STIM2: variants seen among roughly 807,000 people sequenced by gnomAD.
STIM2 encodes the protein stromal interaction molecule 2.
Under a neutral mutation model 85.8 loss-of-function variants are expected in STIM2, and 31 were observed. The observed-to-expected ratio is 0.36, with a 90% CI of 0.27 to 0.49. The LOEUF is 0.49. Ranked by LOEUF, STIM2 falls within the 20% of genes least tolerant of loss-of-function variation. The probability of loss-of-function intolerance (pLI) is 0.98; values close to 1 mark genes in which losing one functional copy is unlikely to be tolerated. For synonymous variants in STIM2, 356 were observed against 331.1 expected, an observed-to-expected ratio of 1.08 and a Z score of -0.82; for missense variants, 841 against 927.6, an observed-to-expected ratio of 0.91 and a Z score of 1.21.
chr4:26,891,593 A>C (rs1723489352), intron 1 of STIM2, among the ~76,000 whole-genome samples: 1 of 128,342 alleles, frequency 7.8e-6, no homozygotes, highest in Admixed American at 7.9e-5. Flanking sequence ...ACACACACAC[A>C]CACACCCCCT....
Position 26,870,026 on chromosome 4 carries a change from G to A in STIM2, c.151+8657G>A, listed in dbSNP as rs535251842. Among the ~76,000 whole-genome samples, 5 of 152,054 alleles carry A rather than the reference G, an allele frequency of 3.3e-5. No homozygotes were observed. The South Asian group carries it at 1.0e-3, about 32-fold the overall frequency. ...TTGCGGCAACATGGATGAACGTGGA[G>A]GACATTATGCTAAGTGAAGTAACGC... On this transcript the variant is annotated intron_variant, in intron 1 of 11. Coordinates refer to ENST00000467087, the MANE Select transcript of STIM2 (RefSeq NM_020860.4).
intron 11 of STIM2, chr4:27,021,456 G>A (rs1728909567): frequency 2.2e-6 from 1 of 456,654 alleles, no homozygotes; most frequent in African/African-American, 2.0e-5. Context: ...AACAGCAAAT[G>A]CAGGGCCCTG....
chr4:26,890,649 C>T (rs944398727), intron 1 of STIM2, among the ~76,000 whole-genome samples: 35 of 151,720 alleles, frequency 2.3e-4, no homozygotes, highest in Non-Finnish European at 3.7e-4. Flanking sequence ...ACGTTGAAAC[C>T]CCGTCTCTAC....
chr4:26,861,574 C>G, intron 1 of STIM2: 2 of 685,018 alleles, frequency 2.9e-6, no homozygotes, highest in Non-Finnish European at 4.0e-6. Flanking sequence ...CTCGCCGAGC[C>G]TCTCGACGGC....
At chr4:26,895,950 G>A (rs1723684147) in intron 1 of STIM2, among the ~76,000 whole-genome samples, 1 of 152,218 alleles carries the variant, frequency 6.6e-6, no homozygotes, top group South Asian at 2.1e-4. Context: ...GTTTCTGTTG[G>A]TGATGAGTCT....
chr4:26,866,933 C>G (rs889357196), intron 1 of STIM2, among the ~76,000 whole-genome samples: 3 of 152,118 alleles, frequency 2.0e-5, no homozygotes, highest in Non-Finnish European at 2.9e-5. Context: ...AGTTGCAAAT[C>G]TATATCCTGT....
At chr4:27,000,954 G>A (rs1448555567) in intron 5 of STIM2, among the ~76,000 whole-genome samples, 1 of 152,096 alleles carries the variant, frequency 6.6e-6, no homozygotes, top group Non-Finnish European at 1.5e-5. Context: ...TCAGTGTGAG[G>A]CAGAAATAAA....
chr4:26,881,023 C>T (rs1338495745), intron 1 of STIM2, among the ~76,000 whole-genome samples: 1 of 151,988 alleles, frequency 6.6e-6, no homozygotes, highest in East Asian at 1.9e-4. Flanking sequence ...TGTAGTTGTG[C>T]TATGTTCTGA....
At chr4:26,881,797 T>C (rs1723025701) in intron 1 of STIM2, among the ~76,000 whole-genome samples, 2 of 152,238 alleles carry the variant, frequency 1.3e-5, no homozygotes, top group African/African-American at 4.8e-5. Flanking sequence ...CATTGTTGGG[T>C]AGATTCTCAT....
rs1724057686 is a variant in STIM2, at chr4:26,904,762, T to C, written c.152-14742T>C. Among the ~76,000 whole-genome samples the C allele has an allele frequency of 3.3e-5, 5 of 149,892 alleles. No individual in the cohort carries two copies. The South Asian group carries it at 1.0e-3, about 31-fold the overall frequency. On this transcript the variant is annotated intron_variant, in intron 1 of 11. Transcript: ENST00000467087. ...AGTGGGGTTGAGAGTGTTTTGTCTTTTTTTTTTTTTTTTTAAAGGATGGGA... is the reference window on the plus strand; with the variant it reads ...AGTGGGGTTGAGAGTGTTTTGTCTTCTTTTTTTTTTTTTTAAAGGATGGGA...
rs182816809 is a variant in STIM2 at position 26,921,238 on chromosome 4, G to A, written c.282+1604G>A. Among the ~76,000 whole-genome samples the A allele has an allele frequency of 1.1e-3, 169 of 152,310 alleles. 1 individual carries two copies. Among genetic ancestry groups the A allele is most frequent in the African/African-American group, 3.5e-3 (147 of 41,572 alleles). ...TGCCAATACCAGAAGCTAAGAGAAA[G>A]GCATGGAACAGATTCTCCCCTAGAG... On this transcript the variant is annotated intron_variant, in intron 2 of 11. Coordinates refer to ENST00000467087, the MANE Select transcript of STIM2 (RefSeq NM_020860.4).
intron 3 of STIM2, among the ~76,000 whole-genome samples, chr4:26,986,746 G>A (rs1727599429): frequency 6.6e-6 from 1 of 152,202 alleles, no homozygotes; most frequent in Admixed American, 6.5e-5. Flanking sequence ...TTTAAAGTGA[G>A]ATATCAGGCA....
chr4:26,870,436 C>A (rs1165843874), intron 1 of STIM2, among the ~76,000 whole-genome samples: 1 of 151,992 alleles, frequency 6.6e-6, no homozygotes, highest in Admixed American at 6.6e-5. Flanking sequence ...TTATGCCTTA[C>A]TGAAGTTATA....
intron 1 of STIM2, among the ~76,000 whole-genome samples, chr4:26,914,873 A>G (rs530715964): frequency 6.6e-6 from 1 of 152,338 alleles, no homozygotes; most frequent in South Asian, 2.1e-4. Context: ...ATATCATTCC[A>G]CAGGTGTCTG....
At chr4:27,020,965 T>C (rs1728888036) in intron 11 of STIM2, 1 of 1,532,190 alleles carries the variant, frequency 6.5e-7, no homozygotes, top group South Asian at 1.2e-5. Flanking sequence ...ACTCTCCCTT[T>C]CATTTCTCAA....
intron 3 of STIM2, among the ~76,000 whole-genome samples, chr4:26,980,396 T>A (rs1039130751): frequency 1.3e-5 from 2 of 152,158 alleles, no homozygotes; most frequent in African/African-American, 4.8e-5. Context: ...CTTGTTGGTT[T>A]GTCTCCAACA....
intron 1 of STIM2, among the ~76,000 whole-genome samples, chr4:26,871,256 TC>T (rs1221455289): frequency 6.6e-6 from 1 of 152,184 alleles, no homozygotes; most frequent in Non-Finnish European, 1.5e-5. Flanking sequence ...TTAGGATTGC[TC>T]TCAAATAGTT....
At chr4:26,920,841 A>G (rs1577438526) in intron 2 of STIM2, among the ~76,000 whole-genome samples, 1 of 152,124 alleles carries the variant, frequency 6.6e-6, no homozygotes, top group Non-Finnish European at 1.5e-5. Context: ...CAGTTTTGCT[A>G]TTTTAAATCT....
intron 10 of STIM2, among the ~76,000 whole-genome samples, chr4:27,016,624 C>A (rs1239085849): frequency 6.6e-6 from 1 of 152,142 alleles, no homozygotes; most frequent in Non-Finnish European, 1.5e-5. Flanking sequence ...ATTTAGAGAT[C>A]TTGAAATAAA....
Sources: allele counts gnomAD v4.1 joint callset (sites outside exome capture counted in the v4.1 genomes callset), GRCh38; gene constraint gnomAD v4.1.1; transcripts MANE v1.5; gene names NCBI Gene and HGNC (gene_info 2026-07-23, HGNC 2026-07-21).